Variants in TPTE2 observed in about 807,000 individuals in gnomAD.
TPTE2 encodes phosphatidylinositol 3,4,5-trisphosphate 3-phosphatase TPTE2.
In TPTE2, 53 loss-of-function variants were observed where a neutral mutation model predicts 78.6. That is an observed-to-expected ratio of 0.67 (90% confidence interval 0.54 to 0.85). The LOEUF is 0.85. TPTE2 is among the 40% of genes least tolerant of loss of function. TPTE2 has a pLI of 0.00. For synonymous variants in TPTE2, 175 were observed against 206.2 expected, an observed-to-expected ratio of 0.85 and a Z score of 1.30; for missense variants, 461 against 623.0, an observed-to-expected ratio of 0.74 and a Z score of 2.77.
intron 1 of TPTE2, among the ~76,000 whole-genome samples, chr13:19,534,968 C>T (rs893213023): frequency 1.3e-5 from 2 of 152,030 alleles, no homozygotes; most frequent in Non-Finnish European, 2.9e-5. Flanking sequence ...TTCGGGAGGC[C>T]GAGACGGGTG....
intron 1 of TPTE2, among the ~76,000 whole-genome samples, chr13:19,511,477 T>A (rs1869438851): frequency 6.6e-6 from 1 of 152,206 alleles, no homozygotes; most frequent in Admixed American, 6.5e-5. Flanking sequence ...TGTCAATATG[T>A]ATATCTGTAC....
intron 3 of TPTE2, among the ~76,000 whole-genome samples, chr13:19,490,743 G>T (rs1023480642): frequency 5.3e-5 from 8 of 152,162 alleles, no homozygotes; most frequent in African/African-American, 1.9e-4. Flanking sequence ...TTACCTTTGG[G>T]GCAGTAGCCT....
At chr13:19,475,072 A>G (rs900600244) in intron 5 of TPTE2, among the ~76,000 whole-genome samples, 1 of 152,210 alleles carries the variant, frequency 6.6e-6, no homozygotes, top group Non-Finnish European at 1.5e-5. Context: ...CCAAAATTCC[A>G]TGATAAATTA....
In TPTE2 at chr13:19,465,539, G is replaced by A. The variant is rs202071055; in HGVS notation, c.538C>T (p.Arg180Ter). ...AAAATTCTTATCAGAATAATAAGTC[G>A]TAGAAGTCGAACTAAATGTGTCCAT... Residue 180 changes from arginine to a stop codon, truncating the protein, a stop_gained, in exon 8 of 20, where the codon CGA becomes TGA. Coordinates refer to ENST00000400230, the Ensembl canonical transcript of TPTE2. LOFTEE classifies it high-confidence loss of function. 146 of 1,602,880 alleles carry A rather than the reference G, an allele frequency of 9.1e-5. No homozygotes were observed. Among genetic ancestry groups the A allele is most frequent in the South Asian group, 7.5e-4 (66 of 87,910 alleles).
chr13:19,540,362 C>T (rs981423887), upstream of TPTE2, among the ~76,000 whole-genome samples: 9 of 150,950 alleles, frequency 6.0e-5, no homozygotes, highest in African/African-American at 1.5e-4. Flanking sequence ...AGTGCAGTGG[C>T]GGCGTAATCT....
chr13:19,430,414 C>T, intron 17 of TPTE2, 54 bp downstream of exon 20: 4 of 1,325,970 alleles, frequency 3.0e-6, no homozygotes, highest in Non-Finnish European at 4.3e-6. Context: ...GCTGGTTTGA[C>T]ATTCAGCCTT....
intron 1 of TPTE2, among the ~76,000 whole-genome samples, chr13:19,498,266 G>A (rs1238146578): frequency 6.6e-6 from 1 of 151,816 alleles, no homozygotes; most frequent in Non-Finnish European, 1.5e-5. Flanking sequence ...TAGCAAGGCA[G>A]GCCAACGTTC....
intron 13 of TPTE2, among the ~76,000 whole-genome samples, chr13:19,440,716 C>T (rs1472837127): frequency 6.6e-6 from 1 of 151,934 alleles, no homozygotes; most frequent in Non-Finnish European, 1.5e-5. Context: ...GTTGCAGTGA[C>T]TGAGATTGCA....
chr13:19,553,920 A>C, the TPTE2 span, among the ~76,000 whole-genome samples: 1 of 152,232 alleles, frequency 6.6e-6, no homozygotes, highest in Admixed American at 6.5e-5. Flanking sequence ...AAATATGTGC[A>C]GTTTGTTGCA....
At chr13:19,531,378 T>C (rs559387883) in intron 1 of TPTE2, among the ~76,000 whole-genome samples, 2 of 151,998 alleles carry the variant, frequency 1.3e-5, no homozygotes, top group South Asian at 2.1e-4. Flanking sequence ...AGGAAAAGAG[T>C]CATGAAAGAT....
At chr13:19,506,160 CTTTTTTTT>C (rs71092369), upstream of TPTE2, among the ~76,000 whole-genome samples, 389 of 32,838 alleles carry the variant, frequency 0.012, 1 homozygote, top group Non-Finnish European at 0.012. Context: ...GTATATAAAT[CTTTTTTTT>C]TTTTTTTTTT....
intron 13 of TPTE2, among the ~76,000 whole-genome samples, chr13:19,444,096 G>C (rs1439068662): frequency 6.6e-6 from 1 of 151,780 alleles, no homozygotes; most frequent in African/African-American, 2.4e-5. Context: ...CTTGAGCGCA[G>C]GAGTTTGAGA....
intron 1 of TPTE2, among the ~76,000 whole-genome samples, chr13:19,521,052 G>C (rs997932614): frequency 6.6e-6 from 1 of 151,986 alleles, no homozygotes. Flanking sequence ...CACTTATAAA[G>C]ACTGTATACT....
chr13:19,522,439 C>G (rs1870208023), intron 1 of TPTE2, among the ~76,000 whole-genome samples: 1 of 152,092 alleles, frequency 6.6e-6, no homozygotes, highest in Non-Finnish European at 1.5e-5. Flanking sequence ...GCCAGTTTTG[C>G]TGTCAAAAGC....
intron 19 of TPTE2, among the ~76,000 whole-genome samples, 185 bp from the exon 23 acceptor site, chr13:19,423,349 T>G (rs1875751486): frequency 6.6e-6 from 1 of 152,182 alleles, no homozygotes; most frequent in South Asian, 2.1e-4. Flanking sequence ...TACTTTAATC[T>G]TCAGCAACAC....
At chr13:19,551,884 T>C in the TPTE2 span, among the ~76,000 whole-genome samples, 2 of 152,176 alleles carry the variant, frequency 1.3e-5, no homozygotes, top group Admixed American at 1.3e-4. Flanking sequence ...ACCCTAAAAG[T>C]AAATCAATCT....
At chr13:19,427,204 C>A (rs1315741314) in intron 17 of TPTE2, among the ~76,000 whole-genome samples, 1 of 150,328 alleles carries the variant, frequency 6.7e-6, no homozygotes, top group African/African-American at 2.5e-5. Flanking sequence ...CCAGCCTCAG[C>A]CTCCCAAGTA....
intron 13 of TPTE2, among the ~76,000 whole-genome samples, chr13:19,439,752 T>G (rs1007655481): frequency 9.2e-5 from 14 of 152,124 alleles, no homozygotes; most frequent in Admixed American, 7.9e-4. Flanking sequence ...AACATCTTAA[T>G]AAGAAATCAA....
At chr13:19,560,490 T>C in the TPTE2 span, 80 of 1,593,190 alleles carry the variant, frequency 5.0e-5, no homozygotes, top group African/African-American at 1.1e-4. Context: ...GCACCTCCAT[T>C]CATACTCTCT....
Sources: gnomAD v4.1 joint callset for allele counts (sites outside exome capture counted in the v4.1 genomes callset) on GRCh38, gnomAD v4.1.1 for gene constraint, MANE v1.5 for transcripts, NCBI Gene and HGNC (gene_info 2026-07-23, HGNC 2026-07-21) for gene names.